CACNA1E: variants seen among roughly 807,000 people sequenced by gnomAD.
CACNA1E encodes calcium voltage-gated channel subunit alpha1 E.
CACNA1E carries 40 observed loss-of-function variants against 259.2 expected under a neutral mutation model. The ratio of observed to expected loss-of-function variants is 0.15; its 90% confidence interval spans 0.12 to 0.20. The LOEUF (loss-of-function observed/expected upper bound fraction) is 0.20, where lower values mean the gene tolerates loss of function less well. Among genes scored for constraint, CACNA1E ranks in the 10% least tolerant of loss-of-function variants. CACNA1E has a pLI of 1.00. For missense variants in CACNA1E, 1,874 were observed against 3,040.1 expected, an observed-to-expected ratio of 0.62 and a Z score of 9.02; for synonymous variants, 1,104 against 1,138.5, an observed-to-expected ratio of 0.97 and a Z score of 0.61.
chr1:181,486,864 G>C (rs147150848), intron 1 of CACNA1E, among the ~76,000 whole-genome samples: 1 of 152,276 alleles, frequency 6.6e-6, no homozygotes, highest in Middle Eastern at 3.4e-3. Context: ...AGAGAGCAAG[G>C]AGCTGCATCC....
chr1:181,501,720 A>AAGAGAGAG (rs58336251), intron 1 of CACNA1E, among the ~76,000 whole-genome samples: 16 of 149,892 alleles, frequency 1.1e-4, no homozygotes, highest in Middle Eastern at 3.5e-3. Context: ...AGGAGTGGGG[A>AAGAGAGAG]AGAGAGAGAG....
At chr1:181,608,679 A>G (rs1332190421) in intron 6 of CACNA1E, among the ~76,000 whole-genome samples, 1 of 152,168 alleles carries the variant, frequency 6.6e-6, no homozygotes, top group African/African-American at 2.4e-5. Flanking sequence ...AGAAGCCCCA[A>G]GCCTGGCATT....
intron 3 of CACNA1E, among the ~76,000 whole-genome samples, chr1:181,549,298 AT>A (rs1647864503): frequency 6.6e-6 from 1 of 152,198 alleles, no homozygotes; most frequent in Non-Finnish European, 1.5e-5. Context: ...CTTTGAGGGC[AT>A]TAAGAAAGGG....
At chr1:181,649,556 A>G (rs1002802460) in intron 6 of CACNA1E, among the ~76,000 whole-genome samples, 2 of 152,252 alleles carry the variant, frequency 1.3e-5, no homozygotes, top group African/African-American at 4.8e-5. Context: ...ATGCATGCAT[A>G]TGCTCATTGC....
chr1:181,762,711 T>A lies in CACNA1E; in HGVS notation c.4689+54T>A, dbSNP rs1049934144. ...AAGCTTGGCCCTGGAGTAGCATTTT[T>A]AAAACTCCTCTGTATATTCAGTCCA... On this transcript the variant is annotated intron_variant, in intron 33 of 47. Transcript: ENST00000367573. 20 of 1,037,342 alleles carry A rather than the reference T, an allele frequency of 1.9e-5. No homozygotes were observed. In the African/African-American group the frequency reaches 2.6e-4, roughly 13 times the overall value. 64.3% of individuals were successfully genotyped at this position (1,037,342 alleles called of 1,614,324 possible).
At chr1:181,421,037 A>C (rs747507107) in intron 2 of CACNA1E, among the ~76,000 whole-genome samples, 21 of 152,162 alleles carry the variant, frequency 1.4e-4, no homozygotes, top group Admixed American at 4.6e-4. Context: ...ATGATTTTTC[A>C]TATTGGGAAA....
intron 1 of CACNA1E, among the ~76,000 whole-genome samples, chr1:181,389,675 G>A (rs1040568974): frequency 1.3e-5 from 2 of 152,172 alleles, no homozygotes; most frequent in African/African-American, 2.4e-5. Context: ...TTTTGGTCCC[G>A]TGTCCTCAGA....
rs1662554534 is a variant in CACNA1E at position 181,805,276 on chromosome 1, C to G, written c.*6442C>G. On this transcript the variant is annotated 3_prime_UTR_variant, in exon 48 of 48. Coordinates refer to ENST00000367573, the MANE Select transcript of CACNA1E (RefSeq NM_001205293.3). Reference sequence around the variant, plus strand: ...CCGAATTTGACTTTATTTGATGACTCAATATTTTCCTTCCAGTACTCTAAT... The same window carrying G: ...CCGAATTTGACTTTATTTGATGACTGAATATTTTCCTTCCAGTACTCTAAT... 1 of 152,104 alleles carries G rather than the reference C, an allele frequency of 6.6e-6. No individual in the cohort carries two copies. The highest frequency in any genetic ancestry group is 2.4e-5 in the African/African-American group (1 of 41,406). 9.4% of individuals were successfully genotyped at this position (152,104 alleles called of 1,614,324 possible).
chr1:181,565,967 T>C (rs1649789632), intron 3 of CACNA1E, among the ~76,000 whole-genome samples: 1 of 152,086 alleles, frequency 6.6e-6, no homozygotes, highest in South Asian at 2.1e-4. Context: ...TCAAAGAACA[T>C]GTATTTATGT....
At chr1:181,757,176 T>A in intron 30 of CACNA1E, 50 bp downstream of exon 30, 1 of 1,326,652 alleles carries the variant, frequency 7.5e-7, no homozygotes, top group Non-Finnish European at 1.1e-6. Context: ...CCAGAAAGGA[T>A]TCTTGGGCCA....
intron 1 of CACNA1E, among the ~76,000 whole-genome samples, chr1:181,391,554 C>T (rs374719148): frequency 3.9e-5 from 6 of 152,038 alleles, no homozygotes; most frequent in South Asian, 2.1e-4. Flanking sequence ...GGGGAAGCTC[C>T]GTGGCAAAGG....
rs1369217611 is a variant in CACNA1E at position 181,641,696 on chromosome 1, A to ATT, written c.952-9637_952-9636dup. On this transcript the variant is annotated intron_variant, in intron 6 of 47. Coordinates refer to ENST00000367573, the MANE Select transcript of CACNA1E (RefSeq NM_001205293.3). ...CAAATGAGATCATGAGGCAACACTA[A>ATT]TTTTTTGTTTTTTTTTTTTTTTTTT... 9.8e-4 allele frequency among the ~76,000 whole-genome samples: 102 copies of ATT among 104,010 alleles called. 1 individual carries two copies. The highest frequency in any genetic ancestry group is 2.5e-3 in the African/African-American group (62 of 24,720). 68.2% of individuals were successfully genotyped at this position (104,010 alleles called of 152,430 possible).
chr1:181,473,384 A>G (rs1410237629), intron 2 of CACNA1E, among the ~76,000 whole-genome samples: 2 of 152,194 alleles, frequency 1.3e-5, no homozygotes, highest in Non-Finnish European at 2.9e-5. Flanking sequence ...TTGAATTTTG[A>G]GAGTTTTGAA....
At chr1:181,727,876 G>A (rs750342521) in intron 18 of CACNA1E, among the ~76,000 whole-genome samples, 26 of 152,154 alleles carry the variant, frequency 1.7e-4, no homozygotes, top group Non-Finnish European at 3.2e-4. Context: ...GGGCTCCCAG[G>A]CAGCCTCTTC....
chr1:181,685,926 A>T (rs1650489615), intron 7 of CACNA1E, among the ~76,000 whole-genome samples: 1 of 152,168 alleles, frequency 6.6e-6, no homozygotes, highest in Admixed American at 6.5e-5. Context: ...AAGCAATCAA[A>T]TGCAACTAAC....
chr1:181,441,386 A>C (rs963504543), intron 2 of CACNA1E, among the ~76,000 whole-genome samples: 1 of 152,186 alleles, frequency 6.6e-6, no homozygotes, highest in Non-Finnish European at 1.5e-5. Context: ...TCCTGACCTC[A>C]TGATCTGCCT....
intron 6 of CACNA1E, among the ~76,000 whole-genome samples, chr1:181,628,601 A>G (rs981592014): frequency 3.4e-4 from 51 of 152,202 alleles, no homozygotes; most frequent in Non-Finnish European, 4.9e-4. Flanking sequence ...AAAACTCATT[A>G]GGAGTCTAAA....
At chr1:181,595,345 G>A (rs1653053676) in intron 6 of CACNA1E, among the ~76,000 whole-genome samples, 1 of 152,276 alleles carries the variant, frequency 6.6e-6, no homozygotes, top group East Asian at 1.9e-4. Context: ...GGAAAGGCAG[G>A]CCCAAAGGGC....
intron 3 of CACNA1E, among the ~76,000 whole-genome samples, chr1:181,560,240 T>A (rs1649181387): frequency 6.6e-6 from 1 of 151,182 alleles, no homozygotes; most frequent in Admixed American, 6.6e-5. Context: ...TTTTTTAAGT[T>A]TTTTTTTGTG....
Sources: allele counts gnomAD v4.1 joint callset (sites outside exome capture counted in the v4.1 genomes callset), GRCh38; gene constraint gnomAD v4.1.1; transcripts MANE v1.5; gene names NCBI Gene and HGNC (gene_info 2026-07-23, HGNC 2026-07-21).